Variants in ABCC3 observed in about 807,000 individuals in gnomAD.
The protein encoded by ABCC3 is ATP binding cassette subfamily C member 3.
In ABCC3, 121 loss-of-function variants were observed where a neutral mutation model predicts 165.3. That is an observed-to-expected ratio of 0.73 (90% CI 0.63 to 0.85). The LOEUF is 0.85. ABCC3 is among the 40% of genes least tolerant of loss of function. ABCC3 has a pLI of 0.00. For synonymous variants in ABCC3, 733 were observed against 810.1 expected (o/e 0.90, Z 1.62); for missense variants, 1,869 against 1,964.1 (o/e 0.95, Z 0.92).
intron 13 of ABCC3, 73 bp downstream of exon 13, chr17:50,668,082 G>A (rs1305182241): frequency 4.6e-6 from 6 of 1,317,128 alleles, no homozygotes; most frequent in Non-Finnish European, 6.5e-6. Flanking sequence ...GGTCACTTAG[G>A]GCAAGGGATA....
chr17:50,649,513 T>C (rs1285370454), intron 1 of ABCC3, among the ~76,000 whole-genome samples: 1 of 151,820 alleles, frequency 6.6e-6, no homozygotes, highest in African/African-American at 2.4e-5. Flanking sequence ...GTTTACATAT[T>C]GAATTATGCT....
rs1567841305 is a variant in ABCC3, at chr17:50,691,724, A to C, written c.*524A>C. 6.6e-6 allele frequency: 1 copy of C among 152,600 alleles called. No individual in the cohort carries two copies. 9.5% of individuals were successfully genotyped at this position (152,600 alleles called of 1,614,324 possible). A position where few individuals can be genotyped will look rare whatever the true frequency, so the allele number is the denominator to read the frequency against. The stretch of plus-strand genomic sequence containing the variant: ...AGTATATACACAGTAGTCTTTTTGC[A>C]CTTGTTCACAAGGTTTGGGGATTAG... On this transcript the variant is annotated 3_prime_UTR_variant, in exon 31 of 31. Transcript: ENST00000285238.
At position 50,656,014 on chromosome 17, in the gene ABCC3, T is replaced by A; in HGVS notation, c.222+6T>A. The stretch of plus-strand genomic sequence containing the variant: ...ACCTGTCCAAGCTCAAGATGGTCAG[T>A]GGCTCAGGGATCTCCTACCGATGGG... On this transcript the variant is annotated splice_donor_region_variant and intron_variant, in intron 2 of 30. Transcript: ENST00000285238. 1 of 1,613,124 alleles carries A rather than the reference T, an allele frequency of 6.2e-7. No individual in the cohort carries two copies.
intron 8 of ABCC3, 115 bp from the exon 9 acceptor site, chr17:50,663,566 G>A: frequency 7.9e-7 from 1 of 1,259,394 alleles, no homozygotes; most frequent in Non-Finnish European, 1.1e-6. Context: ...GGAGGGGGTG[G>A]AGGTTTCAGA....
chr17:50,685,334 CT>C (rs576523928), intron 29 of ABCC3, among the ~76,000 whole-genome samples: 26 of 152,224 alleles, frequency 1.7e-4, no homozygotes, highest in Non-Finnish European at 3.2e-4. Context: ...TATACCTGTG[CT>C]AGCTGTGTGA....
chr17:50,635,707 G>A (rs1423188253), intron 1 of ABCC3: 2 of 651,708 alleles, frequency 3.1e-6, no homozygotes, highest in African/African-American at 3.6e-5. Flanking sequence ...GTTCAATGAA[G>A]GCAGAGCTGG....
At chr17:50,689,362 G>A (rs1362026749) in intron 30 of ABCC3, among the ~76,000 whole-genome samples, 2 of 152,210 alleles carry the variant, frequency 1.3e-5, no homozygotes, top group Non-Finnish European at 2.9e-5. Flanking sequence ...CCCTCATTGT[G>A]CCAGATGTCA....
chr17:50,668,774 C>T (rs879459), intron 14 of ABCC3, 79 bp from the exon 15 acceptor site: 1,038,642 of 1,212,150 alleles, frequency 0.86, 446,664 homozygotes, highest in South Asian at 0.91. Flanking sequence ...GTCCTCCTTT[C>T]CCCTGCCCCC....
chr17:50,668,757 C>T, intron 14 of ABCC3, 96 bp from the exon 15 acceptor site: 1 of 1,045,110 alleles, frequency 9.6e-7, no homozygotes, highest in Non-Finnish European at 1.5e-6. Context: ...GCCCAGGCTC[C>T]TCCCCTGTCC....
intron 17 of ABCC3, among the ~76,000 whole-genome samples, chr17:50,670,815 A>G (rs4794177): frequency 1 from 152,094 of 152,174 alleles, 76,007 homozygotes; most frequent in Middle Eastern, 1. Flanking sequence ...CATGACTAGG[A>G]GTTGGGAAAT....
In ABCC3 at chr17:50,679,883, C is replaced by T. The variant is rs1219717105; in HGVS notation, c.3791C>T (p.Ser1264Phe). The T allele has an allele frequency of 3.7e-6, 6 of 1,613,944 alleles. No individual in the cohort carries two copies. The highest frequency in any genetic ancestry group is 4.2e-6 in the Non-Finnish European group (5 of 1,179,868). Residue 1264 changes from serine (S) to phenylalanine (F), a missense_variant, in exon 26 of 31, where the codon TCC becomes TTC. Transcript: ENST00000285238. ...IVAVERVKEY[S>F]KTETEAPWVV... ...GCTGTGGAGAGGGTCAAGGAGTACT[C>T]CAAGACAGAGACAGAGGTGGGTACT...
chr17:50,668,151 G>A lies in ABCC3; in HGVS notation c.1782+142G>A, dbSNP rs1448464660. ...CTAGCATTATGAAGAGCTATTCAAG[G>A]TTGAATGAGGTCATTAAGGTCAGGG... On this transcript the variant is annotated intron_variant, in intron 13 of 30. Coordinates refer to ENST00000285238, the MANE Select transcript of ABCC3 (RefSeq NM_003786.4). 19 of 789,758 alleles carry A rather than the reference G, an allele frequency of 2.4e-5. No homozygotes were observed. The East Asian group carries it at 4.7e-4, about 20-fold the overall frequency. The allele number at this position is 789,758 out of a possible 1,614,324, so 48.9% of individuals were successfully genotyped here. A position where few individuals can be genotyped will look rare whatever the true frequency, so the allele number is the denominator to read the frequency against.
intron 17 of ABCC3, 146 bp downstream of exon 17, chr17:50,669,674 A>G: frequency 3.7e-6 from 3 of 821,848 alleles, no homozygotes; most frequent in Non-Finnish European, 5.7e-6. Flanking sequence ...AAACAGATCT[A>G]TTAGCAGATC....
rs34291385 is a variant in ABCC3, at chr17:50,673,022, G to A, written c.2293G>A (p.Val765Ile). Residue 765 changes from valine to isoleucine, a missense_variant, in exon 18 of 31, where the codon GTT becomes ATT. By Grantham distance (29) the Val-to-Ile change is conservative. Transcript: ENST00000285238. ...GCAGCGGGTCAGTCTGGCTCGAGCT[G>A]TTTACAGTGATGCCGATATTTTCTT... Reference protein sequence around the residue: ...QRQRVSLARAVYSDADIFLLD... With the variant: ...QRQRVSLARAIYSDADIFLLD... 1 of 1,614,112 alleles carries A rather than the reference G, an allele frequency of 6.2e-7. No homozygotes were observed. The highest frequency in any genetic ancestry group is 2.2e-5 in the East Asian group (1 of 44,886).
rs1020075979 is a variant in ABCC3 at position 50,667,941 on chromosome 17, G to A, written c.1714G>A (p.Val572Met). The A allele has an allele frequency of 6.2e-7, 1 of 1,614,196 alleles. No homozygotes were observed. The change falls in exon 13 of 31, where the codon GTG (valine) becomes ATG (methionine). Residue 572 changes from valine to methionine, a missense_variant. By Grantham distance (21) the Val-to-Met change is conservative. Transcript: ENST00000285238. ...GGACGCCGAGAAGGCCTTTGTGTCT[G>A]TGTCCTTGTTTAATATCTTAAGACT... ...VLDAEKAFVS[V>M]SLFNILRLPL...
At chr17:50,681,316 C>G (rs1004682271) in intron 26 of ABCC3, among the ~76,000 whole-genome samples, 7 of 152,190 alleles carry the variant, frequency 4.6e-5, no homozygotes, top group African/African-American at 1.7e-4. Context: ...CTTCCTGCCT[C>G]TCAGTCTTTA....
intron 28 of ABCC3, among the ~76,000 whole-genome samples, chr17:50,684,373 G>A (rs1014251580): frequency 2.6e-5 from 4 of 152,076 alleles, no homozygotes; most frequent in Admixed American, 6.6e-5. Context: ...CCCTTCCCCC[G>A]AGACATTCTG....
chr17:50,638,304 A>G (rs1193058745), intron 1 of ABCC3, among the ~76,000 whole-genome samples: 3 of 152,104 alleles, frequency 2.0e-5, no homozygotes, highest in Non-Finnish European at 2.9e-5. Flanking sequence ...CGCCAGATAA[A>G]CACCTGTTGG....
At chr17:50,635,081 G>A in intron 1 of ABCC3, 100 bp downstream of exon 1, 9 of 1,204,628 alleles carry the variant, frequency 7.5e-6, no homozygotes, top group Non-Finnish European at 9.4e-6. Flanking sequence ...CAGGTATCCC[G>A]GGACGGAGCC....
Sources: allele counts gnomAD v4.1 joint callset (sites outside exome capture counted in the v4.1 genomes callset), GRCh38; gene constraint gnomAD v4.1.1; transcripts MANE v1.5; gene names NCBI Gene and HGNC (gene_info 2026-07-23, HGNC 2026-07-21).